ANKS1B: variants seen among roughly 807,000 people sequenced by gnomAD.
ANKS1B encodes the protein ankyrin repeat and sterile alpha motif domain-containing protein 1B.
A neutral mutation model predicts 148.3 loss-of-function variants in ANKS1B; 36 were observed. That is an observed-to-expected ratio of 0.24 (90% CI 0.19 to 0.32). The LOEUF is 0.32. Among genes scored for constraint, ANKS1B ranks in the 10% least tolerant of loss-of-function variants. The pLI is 1.00. For missense variants in ANKS1B, 1,157 were observed against 1,542.6 expected (o/e 0.75, Z 4.19); for synonymous variants, 542 against 560.8 (o/e 0.97, Z 0.47).
chr12:99,045,667 T>C (rs1049768117), intron 17 of ANKS1B, among the ~76,000 whole-genome samples: 4 of 152,226 alleles, frequency 2.6e-5, no homozygotes, highest in African/African-American at 9.6e-5. Flanking sequence ...TAGATTTATC[T>C]TTCCAATGGA....
chr12:99,596,239 C>T (rs1047184468), intron 9 of ANKS1B, among the ~76,000 whole-genome samples: 2 of 151,768 alleles, frequency 1.3e-5, no homozygotes, highest in African/African-American at 4.8e-5. Context: ...ACCATGTTCC[C>T]TCTAAAGGCT....
At chr12:99,746,927 A>T (rs2060652599) in intron 8 of ANKS1B, among the ~76,000 whole-genome samples, 2 of 152,116 alleles carry the variant, frequency 1.3e-5, no homozygotes, top group Non-Finnish European at 2.9e-5. Flanking sequence ...AGTCTGATAA[A>T]GCCTAGTCCC....
intron 12 of ANKS1B, among the ~76,000 whole-genome samples, chr12:99,324,075 T>C (rs187912099): frequency 6.6e-6 from 1 of 152,304 alleles, no homozygotes. Flanking sequence ...ATTCCCACAA[T>C]AATCATAAGC....
At chr12:98,842,690 G>A (rs1014676734) in intron 17 of ANKS1B, among the ~76,000 whole-genome samples, 9 of 152,268 alleles carry the variant, frequency 5.9e-5, no homozygotes, top group African/African-American at 1.7e-4. Flanking sequence ...CAGGCTGCTC[G>A]AGAAGACCTC....
intron 21 of ANKS1B, among the ~76,000 whole-genome samples, chr12:98,799,723 C>G (rs1464667218): frequency 6.6e-6 from 1 of 152,040 alleles, no homozygotes; most frequent in Non-Finnish European, 1.5e-5. Context: ...CCCTCGTGCT[C>G]CAGCTTCTGG....
intron 10 of ANKS1B, among the ~76,000 whole-genome samples, chr12:99,485,856 A>C (rs1458794928): frequency 6.6e-6 from 1 of 152,130 alleles, no homozygotes; most frequent in Non-Finnish European, 1.5e-5. Flanking sequence ...CCCTAAGTGT[A>C]TCTTTCATTT....
At chr12:98,746,689 C>T (rs1456902615) in intron 26 of ANKS1B, among the ~76,000 whole-genome samples, 1 of 152,224 alleles carries the variant, frequency 6.6e-6, no homozygotes, top group African/African-American at 2.4e-5. Flanking sequence ...AGAAAAGCTC[C>T]TGGCAACCCC....
intron 10 of ANKS1B, among the ~76,000 whole-genome samples, chr12:99,503,382 C>G (rs1277482630): frequency 6.6e-6 from 1 of 152,174 alleles, no homozygotes; most frequent in Non-Finnish European, 1.5e-5. Context: ...TCTCTATATT[C>G]ATAACCATGC....
intron 17 of ANKS1B, among the ~76,000 whole-genome samples, chr12:98,933,141 C>T (rs2099815228): frequency 6.6e-6 from 1 of 152,134 alleles, no homozygotes; most frequent in Non-Finnish European, 1.5e-5. Flanking sequence ...AGTAACTCCC[C>T]AATTAGTAAC....
At chr12:98,772,868 C>T (rs1032274543) in intron 25 of ANKS1B, 174 bp downstream of exon 25, 90 of 641,252 alleles carry the variant, frequency 1.4e-4, no homozygotes, top group Non-Finnish European at 2.1e-4. Context: ...CCATTTAAGC[C>T]TCTCGGTCTG....
intron 22 of ANKS1B, among the ~76,000 whole-genome samples, chr12:98,798,073 T>C (rs942636761): frequency 3.1e-4 from 47 of 151,368 alleles, no homozygotes; most frequent in Admixed American, 2.6e-3. Context: ...TTGGCTAAAA[T>C]AGACTCCTAG....
intron 14 of ANKS1B, among the ~76,000 whole-genome samples, chr12:99,189,724 A>G (rs577046513): frequency 6.6e-6 from 1 of 152,318 alleles, no homozygotes; most frequent in Admixed American, 6.5e-5. Flanking sequence ...ACAAACCCAC[A>G]GCCCATATCA....
chr12:98,962,939 C>A (rs766983059), intron 17 of ANKS1B, among the ~76,000 whole-genome samples: 3 of 151,990 alleles, frequency 2.0e-5, no homozygotes, highest in Non-Finnish European at 2.9e-5. Flanking sequence ...CGGGATACAG[C>A]GAAGCCAGTA....
chr12:99,788,356 A>T (rs970572649), intron 4 of ANKS1B, among the ~76,000 whole-genome samples: 1 of 152,184 alleles, frequency 6.6e-6, no homozygotes, highest in Non-Finnish European at 1.5e-5. Flanking sequence ...ACATTTCTAG[A>T]TGTACCTTGG....
chr12:98,802,516 T>A (rs1407112162), intron 20 of ANKS1B, among the ~76,000 whole-genome samples: 1 of 151,002 alleles, frequency 6.6e-6, no homozygotes, highest in East Asian at 1.9e-4. Flanking sequence ...TTGCGCACTT[T>A]GGACTTACAT....
At chr12:99,481,565 A>T (rs558429439) in intron 10 of ANKS1B, among the ~76,000 whole-genome samples, 18 of 151,976 alleles carry the variant, frequency 1.2e-4, no homozygotes, top group African/African-American at 4.3e-4. Context: ...TAGTAGTAGG[A>T]TTGCTGTATC....
At chr12:98,742,385 G>GT (rs1311738704), downstream of ANKS1B, among the ~76,000 whole-genome samples, 2 of 151,776 alleles carry the variant, frequency 1.3e-5, no homozygotes, top group Admixed American at 1.3e-4. Flanking sequence ...GGTCTCTGAG[G>GT]TTTTGGAGAG....
intron 22 of ANKS1B, among the ~76,000 whole-genome samples, chr12:98,788,798 C>G (rs2098821204): frequency 1.3e-5 from 2 of 152,224 alleles, no homozygotes; most frequent in Admixed American, 1.3e-4. Flanking sequence ...TGCTGCTGTG[C>G]ATGTAAACTC....
chr12:99,313,485 C>T (rs780633186), intron 12 of ANKS1B, among the ~76,000 whole-genome samples: 8 of 152,090 alleles, frequency 5.3e-5, no homozygotes, highest in Non-Finnish European at 1.0e-4. Context: ...TTCAGGCCAA[C>T]ATCCCTGATG....
Sources: allele counts gnomAD v4.1 joint callset (sites outside exome capture counted in the v4.1 genomes callset), GRCh38; gene constraint gnomAD v4.1.1; transcripts MANE v1.5; gene names NCBI Gene and HGNC (gene_info 2026-07-23, HGNC 2026-07-21).